F13A1: variants seen among roughly 807,000 people sequenced by gnomAD.
F13A1 encodes the protein FSF, A subunit.
In F13A1, 47 loss-of-function variants were observed where a neutral mutation model predicts 80.1. The ratio of observed to expected loss-of-function variants is 0.59; its 90% CI spans 0.46 to 0.75. The LOEUF is 0.75. F13A1 is among the 30% of genes least tolerant of loss of function. F13A1 has a pLI of 0.00. For synonymous variants in F13A1, 349 were observed against 344.9 expected (o/e 1.01, Z -0.13); for missense variants, 817 against 930.4 (o/e 0.88, Z 1.59).
chr6:6,191,503 T>C (rs1295406331), intron 10 of F13A1, among the ~76,000 whole-genome samples: 1 of 152,160 alleles, frequency 6.6e-6, no homozygotes, highest in Non-Finnish European at 1.5e-5. Flanking sequence ...TCCTACATAG[T>C]AGCCTCTACC....
chr6:6,165,508 G>A (rs1416151907), intron 13 of F13A1, among the ~76,000 whole-genome samples: 1 of 152,142 alleles, frequency 6.6e-6, no homozygotes, highest in Non-Finnish European at 1.5e-5. Flanking sequence ...ACCTTCACAG[G>A]GACAGGCCGT....
intron 12 of F13A1, among the ~76,000 whole-genome samples, chr6:6,173,403 TC>T (rs1760810080): frequency 1.5e-5 from 1 of 68,790 alleles, no homozygotes; most frequent in African/African-American, 1.0e-4. Flanking sequence ...CAGCCTCCAT[TC>T]TTTTCTTTTT....
chr6:6,228,449 A>C (rs1043961538), intron 6 of F13A1, among the ~76,000 whole-genome samples: 23 of 152,146 alleles, frequency 1.5e-4, no homozygotes, highest in African/African-American at 5.6e-4. Context: ...AAATATAATC[A>C]AAATGCTGAT....
chr6:6,240,398 T>G (rs1233186278), intron 6 of F13A1, among the ~76,000 whole-genome samples: 2 of 152,060 alleles, frequency 1.3e-5, no homozygotes, highest in Non-Finnish European at 2.9e-5. Flanking sequence ...AGAGAAGGAT[T>G]GAATCAGACA....
chr6:6,288,261 T>C (rs1312144981), intron 3 of F13A1, among the ~76,000 whole-genome samples: 1 of 152,226 alleles, frequency 6.6e-6, no homozygotes, highest in Non-Finnish European at 1.5e-5. Context: ...AGTAGATCAC[T>C]AAAACTTATT....
intron 7 of F13A1, among the ~76,000 whole-genome samples, chr6:6,223,095 T>C (rs1012712575): frequency 6.6e-6 from 1 of 152,214 alleles, no homozygotes; most frequent in South Asian, 2.1e-4. Context: ...AGACACGACT[T>C]GGTCAAGACT....
rs1427285619 is a variant in F13A1 at position 6,162,161 on chromosome 6, G to C, written c.1908+5297C>G. ...AACTCCCTTGAAGCCTCTTTGTTCA[G>C]AGAGTCGATGATAAAGCTCTCATCC... On this transcript the variant is annotated intron_variant, in intron 13 of 14. Transcript: ENST00000264870. The surrounding 1 kb of genome is among the most constrained non-coding windows in gnomAD (Gnocchi z 4.2). Among the ~76,000 whole-genome samples, 1 of 152,096 alleles carries C rather than the reference G, an allele frequency of 6.6e-6. No individual in the cohort carries two copies. The highest frequency in any genetic ancestry group is 2.4e-5 in the African/African-American group (1 of 41,408).
chr6:6,293,792 AG>A, intron 3 of F13A1, among the ~76,000 whole-genome samples: 1 of 38,204 alleles, frequency 2.6e-5, no homozygotes, highest in African/African-American at 1.6e-4. Context: ...AGAGGGAGGG[AG>A]GGAGGGAGGG....
chr6:6,178,230 G>A (rs1760918803), intron 11 of F13A1, among the ~76,000 whole-genome samples: 1 of 152,114 alleles, frequency 6.6e-6, no homozygotes, highest in Non-Finnish European at 1.5e-5. Context: ...ACTAATAGCA[G>A]TAGTATGGCA....
At chr6:6,245,709 A>T (rs990901140) in intron 6 of F13A1, among the ~76,000 whole-genome samples, 1 of 152,102 alleles carries the variant, frequency 6.6e-6, no homozygotes, top group Admixed American at 6.5e-5. Context: ...GTCCCCACCC[A>T]GCTCCACTCT....
chr6:6,303,065 A>T (rs3024345), intron 3 of F13A1, among the ~76,000 whole-genome samples: 17,841 of 152,236 alleles, frequency 0.12, 1,326 homozygotes, highest in East Asian at 0.23. Context: ...AAGCAAACAG[A>T]TAAAATCTCA....
chr6:6,238,998 T>C (rs1317856331), intron 6 of F13A1, among the ~76,000 whole-genome samples: 2 of 152,144 alleles, frequency 1.3e-5, no homozygotes, highest in African/African-American at 4.8e-5. Flanking sequence ...CATGCTCTCT[T>C]TAGCTATTTA....
rs1453552394 is a variant in F13A1 at position 6,266,548 on chromosome 6, T to C, written c.571+10A>G. The C allele has an allele frequency of 1.2e-6, 2 of 1,614,260 alleles. No homozygotes were observed. Among genetic ancestry groups the C allele is most frequent in the South Asian group, 2.2e-5 (2 of 91,088 alleles). The stretch of plus-strand genomic sequence containing the variant: ...TTTTTAAATGAGAAAACTAAATGTC[T>C]GCCTCTTACCTTCACACCAAGGATT... On this transcript the variant is annotated intron_variant, in intron 4 of 14. Transcript: ENST00000264870.
chr6:6,316,114 T>C lies in F13A1; in HGVS notation c.130+2421A>G, dbSNP rs1263887313. On this transcript the variant is annotated intron_variant, in intron 2 of 14. Transcript: ENST00000264870. ...ATATATATATATATATATATATATA[T>C]ATATATATATATATATATATATATA... is the stretch of plus-strand genomic sequence containing the variant. Among the ~76,000 whole-genome samples the C allele has an allele frequency of 7.8e-3, 487 of 62,682 alleles. 52 individuals are homozygous for C. The highest frequency in any genetic ancestry group is 0.059 in the Admixed American group (386 of 6,536). 41.1% of individuals were successfully genotyped at this position (62,682 alleles called of 152,430 possible). A position where few individuals can be genotyped will look rare whatever the true frequency, so the allele number is the denominator to read the frequency against.
At chr6:6,309,712 G>A (rs1039501490) in intron 2 of F13A1, among the ~76,000 whole-genome samples, 1 of 152,148 alleles carries the variant, frequency 6.6e-6, no homozygotes, top group African/African-American at 2.4e-5. Flanking sequence ...AACTGCTTCT[G>A]GTGGCAGAGT....
chr6:6,211,695 C>A (rs1226908810), intron 8 of F13A1, among the ~76,000 whole-genome samples: 2 of 152,238 alleles, frequency 1.3e-5, no homozygotes, highest in Admixed American at 6.5e-5. Context: ...CGAATAGGAA[C>A]AGCTCCAGTC....
intron 3 of F13A1, among the ~76,000 whole-genome samples, chr6:6,300,326 C>T (rs988145365): frequency 3.2e-4 from 49 of 151,012 alleles, no homozygotes; most frequent in Non-Finnish European, 6.5e-4. Context: ...CAATGGCGGG[C>T]GCCCCTCCCC....
chr6:6,224,603 G>A (rs1757248991), intron 7 of F13A1, 83 bp downstream of exon 7: 2 of 1,310,632 alleles, frequency 1.5e-6, no homozygotes, highest in African/African-American at 1.5e-5. Context: ...GGGCTGCTAT[G>A]TCTCTTTGTT....
chr6:6,170,111 A>G (rs1415338520), intron 12 of F13A1, among the ~76,000 whole-genome samples: 2 of 152,216 alleles, frequency 1.3e-5, no homozygotes, highest in Non-Finnish European at 1.5e-5. Flanking sequence ...TGGTCAGTTT[A>G]TCGTGTCTCT....
Sources: gnomAD v4.1 joint callset for allele counts (sites outside exome capture counted in the v4.1 genomes callset) on GRCh38, gnomAD v4.1.1 for gene constraint, Gnocchi (gnomAD v3.1) non-coding constraint, MANE v1.5 for transcripts, NCBI Gene and HGNC (gene_info 2026-07-23, HGNC 2026-07-21) for gene names.